The following DNAH9 variants were observed in gnomAD, a reference collection of about 807,000 sequenced individuals.
The protein encoded by DNAH9 is DNAH9 variant protein.
Under a neutral mutation model 471.6 loss-of-function variants are expected in DNAH9, and 345 were observed. The observed-to-expected ratio is 0.73, with a 90% confidence interval of 0.67 to 0.80. The LOEUF is 0.80. Among genes scored for constraint, DNAH9 ranks in the 30% least tolerant of loss-of-function variants. The probability of loss-of-function intolerance (pLI) is 0.00; values close to 1 mark genes in which losing one functional copy is unlikely to be tolerated. For missense variants in DNAH9, 5,407 were observed against 5,609.2 expected, an observed-to-expected ratio of 0.96 and a Z score of 1.15; for synonymous variants, 2,093 against 2,123.6, an observed-to-expected ratio of 0.99 and a Z score of 0.40.
In DNAH9 at chr17:11,854,186, G is replaced by A; in HGVS notation, c.9691G>A (p.Glu3231Lys). 1 of 1,614,126 alleles carries A rather than the reference G, an allele frequency of 6.2e-7. No homozygotes were observed. The highest frequency in any genetic ancestry group is 8.5e-7 in the Non-Finnish European group (1 of 1,180,024). The change falls in exon 50 of 69, where the codon GAG becomes AAG. Residue 3231 changes from glutamate (E) to lysine (K), a missense_variant. Glu to Lys is a moderately conservative substitution (Grantham distance 56). Transcript: ENST00000262442. ...GGACTCGCTAATAAACTTCAACAAA[G>A]AGAACATTCACGAGAACTGCCTCAA... is the stretch of plus-strand genomic sequence containing the variant. ...FLDSLINFNK[E>K]NIHENCLKAI...
chr17:11,950,420 T>C (rs1236081730), intron 67 of DNAH9, among the ~76,000 whole-genome samples: 1 of 152,232 alleles, frequency 6.6e-6, no homozygotes, highest in Admixed American at 6.5e-5. Context: ...AGATGGAATC[T>C]TTCTCTATTG....
At chr17:11,661,728 G>A (rs2073767291) in intron 14 of DNAH9, among the ~76,000 whole-genome samples, 1 of 151,794 alleles carries the variant, frequency 6.6e-6, no homozygotes, top group Non-Finnish European at 1.5e-5. Flanking sequence ...TTATACTGCT[G>A]TTGTGTGAGA....
chr17:11,631,277 G>A (rs544456834), intron 7 of DNAH9, among the ~76,000 whole-genome samples: 1 of 152,286 alleles, frequency 6.6e-6, no homozygotes, highest in Non-Finnish European at 1.5e-5. Flanking sequence ...AATTACTGGA[G>A]AAGGAATTTT....
At chr17:11,663,967 T>C (rs993048595) in intron 14 of DNAH9, among the ~76,000 whole-genome samples, 1 of 152,226 alleles carries the variant, frequency 6.6e-6, no homozygotes, top group Non-Finnish European at 1.5e-5. Context: ...AATCATGAGA[T>C]TGTTTAAATC....
At chr17:11,747,806 C>T in intron 32 of DNAH9, 40 bp downstream of exon 32, 13 of 1,561,832 alleles carry the variant, frequency 8.3e-6, no homozygotes, top group Non-Finnish European at 1.1e-5. Context: ...CTCTGCTAGC[C>T]TCAGAGTCCC....
chr17:11,676,375 C>T (rs575355308), intron 17 of DNAH9, among the ~76,000 whole-genome samples: 30 of 150,952 alleles, frequency 2.0e-4, no homozygotes, highest in East Asian at 7.8e-4. Context: ...CTCCACCTCC[C>T]GGGTTCAAGT....
At chr17:11,737,614 C>A (rs2075368206) in intron 28 of DNAH9, among the ~76,000 whole-genome samples, 1 of 152,190 alleles carries the variant, frequency 6.6e-6, no homozygotes, top group South Asian at 2.1e-4. Flanking sequence ...TTTCCAAGCA[C>A]CAGGTGTGAC....
At chr17:11,968,023 A>G (rs1976886044) in intron 68 of DNAH9, among the ~76,000 whole-genome samples, 1 of 152,224 alleles carries the variant, frequency 6.6e-6, no homozygotes, top group Admixed American at 6.5e-5. Context: ...TTCAACCATA[A>G]TAATTGGAGC....
At chr17:11,823,140 C>A in intron 48 of DNAH9, 106 bp downstream of exon 48, 1 of 966,618 alleles carries the variant, frequency 1.0e-6, no homozygotes, top group Non-Finnish European at 1.5e-6. Context: ...AAAATATGTA[C>A]GGTTTTCCAG....
intron 67 of DNAH9, among the ~76,000 whole-genome samples, chr17:11,961,384 A>G (rs1265847317): frequency 6.6e-6 from 1 of 152,226 alleles, no homozygotes; most frequent in Non-Finnish European, 1.5e-5. Flanking sequence ...TAGCTGTTGA[A>G]AGAGTGTCCC....
At chr17:11,874,336 C>A (rs563577673) in intron 52 of DNAH9, among the ~76,000 whole-genome samples, 8 of 152,018 alleles carry the variant, frequency 5.3e-5, no homozygotes, top group South Asian at 2.1e-4. Context: ...CTGAAGGGGC[C>A]TAAGAGAGGC....
chr17:11,717,750 G>A (rs531431218), intron 26 of DNAH9, among the ~76,000 whole-genome samples: 20 of 152,276 alleles, frequency 1.3e-4, no homozygotes, highest in African/African-American at 4.6e-4. Flanking sequence ...TCATCCAACT[G>A]TAGAGCATTT....
intron 28 of DNAH9, among the ~76,000 whole-genome samples, chr17:11,732,217 T>A (rs1016274468): frequency 1.2e-4 from 19 of 152,228 alleles, no homozygotes; most frequent in Non-Finnish European, 2.5e-4. Context: ...AGTTCCTGTT[T>A]GTTTCTGGAA....
chr17:11,645,413 ACTT>A (rs1384547704), intron 11 of DNAH9, among the ~76,000 whole-genome samples: 1 of 152,168 alleles, frequency 6.6e-6, no homozygotes, highest in African/African-American at 2.4e-5. Flanking sequence ...AGAGACTGGA[ACTT>A]CTCCAGGCTG....
At chr17:11,949,291 C>T (rs1284682973) in intron 67 of DNAH9, among the ~76,000 whole-genome samples, 1 of 152,168 alleles carries the variant, frequency 6.6e-6, no homozygotes, top group Non-Finnish European at 1.5e-5. Flanking sequence ...CGAGGAAGCA[C>T]CTTGTAGACC....
chr17:11,820,902 AT>A (rs1770359778), intron 45 of DNAH9, among the ~76,000 whole-genome samples: 1 of 152,048 alleles, frequency 6.6e-6, no homozygotes, highest in Admixed American at 6.6e-5. Flanking sequence ...CTCAGAGATT[AT>A]TTCCCCCATT....
chr17:11,869,039 C>T, intron 50 of DNAH9, 95 bp from the exon 51 acceptor site: 1 of 1,473,910 alleles, frequency 6.8e-7, no homozygotes, highest in African/African-American at 1.4e-5. Context: ...AGAGTGCTTC[C>T]TTCAGAACCA....
Position 11,892,978 on chromosome 17 carries a change from G to A in DNAH9, c.11283+1031G>A, listed in dbSNP as rs1973098488. ...CCTTGAATCTTCTGATCCGTAGTCA[G>A]ACACGTTATCCATTGCACCACTGGC... On this transcript the variant is annotated intron_variant, in intron 58 of 68. Transcript: ENST00000262442. This position sits in a 1 kb window ranked among gnomAD's most constrained non-coding sequence, Gnocchi z 4.3. 6.6e-6 allele frequency among the ~76,000 whole-genome samples: 1 copy of A among 151,940 alleles called. No individual in the cohort carries two copies. The highest frequency in any genetic ancestry group is 1.5e-5 in the Non-Finnish European group (1 of 68,000).
intron 67 of DNAH9, among the ~76,000 whole-genome samples, chr17:11,947,772 A>AATTTTTTTTTTTTTTTT (rs1555528615): frequency 1.8e-5 from 2 of 108,344 alleles, no homozygotes; most frequent in Non-Finnish European, 1.8e-5. Context: ...GCTGGGAACT[A>AATTTTTTTTTTTTTTTT]TTTTTTTTTT....
Sources: allele counts gnomAD v4.1 joint callset (sites outside exome capture counted in the v4.1 genomes callset), GRCh38; gene constraint gnomAD v4.1.1; non-coding constraint Gnocchi (gnomAD v3.1); transcripts MANE v1.5; gene names NCBI Gene and HGNC (gene_info 2026-07-23, HGNC 2026-07-21).